Variants in SCYL2 observed in about 807,000 individuals in gnomAD.
SCYL2 encodes SCY1 like pseudokinase 2, also known as SCY1-like protein 2.
Under a neutral mutation model 100.4 loss-of-function variants are expected in SCYL2, and 36 were observed. The ratio of observed to expected loss-of-function variants is 0.36; its 90% CI spans 0.27 to 0.47. The LOEUF (loss-of-function observed/expected upper bound fraction) is 0.47, where lower values mean the gene tolerates loss of function less well. Among genes scored for constraint, SCYL2 ranks in the 20% least tolerant of loss-of-function variants. The probability of loss-of-function intolerance (pLI) is 1.00; values close to 1 mark genes in which losing one functional copy is unlikely to be tolerated. For missense variants in SCYL2, 902 were observed against 1,083.9 expected, an observed-to-expected ratio of 0.83 and a Z score of 2.36; for synonymous variants, 330 against 359.2, an observed-to-expected ratio of 0.92 and a Z score of 0.92.
chr12:100,306,724 A>T (rs1351431618), intron 4 of SCYL2, among the ~76,000 whole-genome samples: 2 of 152,256 alleles, frequency 1.3e-5, no homozygotes. Context: ...TTTGCAGATG[A>T]CATGATGGTA....
chr12:100,327,120 G>T, intron 12 of SCYL2: 1 of 326,160 alleles, frequency 3.1e-6, no homozygotes, highest in Non-Finnish European at 6.1e-6. Context: ...TATTTTCTCT[G>T]CGTTATGTTA....
intron 7 of SCYL2, 135 bp downstream of exon 7, chr12:100,313,673 CAG>C (rs1384963961): frequency 1.7e-6 from 1 of 578,836 alleles, no homozygotes; most frequent in African/African-American, 1.9e-5. Flanking sequence ...AAGCAACAGT[CAG>C]ATACAGCCCC....
In SCYL2 at chr12:100,338,955, A is replaced by G. The variant is rs202242886; in HGVS notation, c.2573A>G (p.Gln858Arg). 2.9e-5 allele frequency: 47 copies of G among 1,614,044 alleles called. No individual in the cohort carries two copies. The highest frequency in any genetic ancestry group is 1.6e-4 in the Middle Eastern group (1 of 6,084). The change falls in exon 18 of 18, where the codon CAA becomes CGA. Residue 858 changes from glutamine to arginine, a missense_variant. Coordinates refer to ENST00000360820, the MANE Select transcript of SCYL2 (RefSeq NM_017988.6). ...AAAGTTAGCATGAACCAGTTATCAC[A>G]ACAGAAACCAAATCAGTGGCTTAAT... is the stretch of plus-strand genomic sequence containing the variant. ...KPKVSMNQLS[Q>R]QKPNQWLNQF...
intron 3 of SCYL2, among the ~76,000 whole-genome samples, chr12:100,294,167 C>T (rs1398093000): frequency 8.9e-5 from 13 of 145,612 alleles, no homozygotes; most frequent in Non-Finnish European, 1.5e-5. Context: ...GCTGACTCCC[C>T]CACCTCCCTC....
In SCYL2 at chr12:100,315,710, G is replaced by A; in HGVS notation, c.1248G>A (p.Val416=). The part of the protein sequence containing the change: ...VKLILPELGP[V]FKQQEPIQIL... ...TAATTCTTCCTGAACTTGGCCCTGT[G>A]TTTAAGCAGCAGGAGCCAATCCAGG... is the stretch of plus-strand genomic sequence containing the variant. Residue 416 remains valine, a synonymous_variant, in exon 9 of 18, where the codon GTG becomes GTA. Transcript: ENST00000360820. The A allele has an allele frequency of 6.2e-7, 1 of 1,608,452 alleles. No individual in the cohort carries two copies. Among genetic ancestry groups the A allele is most frequent in the Non-Finnish European group, 8.5e-7 (1 of 1,177,286 alleles).
intron 9 of SCYL2, among the ~76,000 whole-genome samples, chr12:100,316,178 C>A (rs1431006419): frequency 6.6e-6 from 1 of 152,210 alleles, no homozygotes; most frequent in Non-Finnish European, 1.5e-5. Context: ...CTAATAACTA[C>A]TTCCACTAGA....
chr12:100,268,149 A>G (rs1015941234), intron 1 of SCYL2, among the ~76,000 whole-genome samples: 1 of 152,228 alleles, frequency 6.6e-6, no homozygotes, highest in Admixed American at 6.5e-5. Flanking sequence ...TAAAAGCGCT[A>G]TGCCTGTAGT....
chr12:100,298,415 T>TG (rs2096323543), intron 4 of SCYL2, among the ~76,000 whole-genome samples: 1 of 152,202 alleles, frequency 6.6e-6, no homozygotes, highest in Non-Finnish European at 1.5e-5. Flanking sequence ...TATTGGCTAG[T>TG]GGATGGAGTG....
chr12:100,291,559 A>G lies in SCYL2; in HGVS notation c.234A>G (p.Glu78=). ...KKLIDKYQKF[E]KDQIIDSLKR... is the part of the protein sequence containing the mutation. ...TGATTGACAAGTATCAAAAATTTGAAAAGGATCAAATCATTGATTCTCTAA... is the reference window on the plus strand; with the variant it reads ...TGATTGACAAGTATCAAAAATTTGAGAAGGATCAAATCATTGATTCTCTAA... The change falls in exon 3 of 18, where the codon GAA becomes GAG. Residue 78 remains glutamate (E), a synonymous_variant. Transcript: ENST00000360820. The G allele has an allele frequency of 6.3e-7, 1 of 1,589,840 alleles. No homozygotes were observed. The highest frequency in any genetic ancestry group is 8.5e-7 in the Non-Finnish European group (1 of 1,172,474).
intron 4 of SCYL2, among the ~76,000 whole-genome samples, chr12:100,299,335 C>T (rs1451495976): frequency 1.3e-5 from 2 of 152,100 alleles, no homozygotes; most frequent in Admixed American, 1.3e-4. Context: ...ATTTTTATTA[C>T]GTTTTAACAG....
At chr12:100,275,435 A>G (rs1044013500) in intron 1 of SCYL2, among the ~76,000 whole-genome samples, 5 of 152,174 alleles carry the variant, frequency 3.3e-5, no homozygotes, top group African/African-American at 7.2e-5. Flanking sequence ...TACTCAAGCA[A>G]TCCTTCCACT....
chr12:100,272,389 C>G (rs1350430439), intron 1 of SCYL2, among the ~76,000 whole-genome samples: 3 of 152,092 alleles, frequency 2.0e-5, no homozygotes, highest in Non-Finnish European at 4.4e-5. Context: ...CGTTTAAGTT[C>G]AGGTCTTATT....
intron 3 of SCYL2, among the ~76,000 whole-genome samples, chr12:100,293,899 A>G (rs1487951237): frequency 6.6e-6 from 1 of 152,158 alleles, no homozygotes; most frequent in East Asian, 1.9e-4. Context: ...TTAGTATAGA[A>G]CAAAATGAAA....
chr12:100,324,677 G>GTT (rs1036338158), intron 11 of SCYL2, among the ~76,000 whole-genome samples: 1 of 152,114 alleles, frequency 6.6e-6, no homozygotes, highest in African/African-American at 2.4e-5. Flanking sequence ...ATAAAGTCAA[G>GTT]TTTTAGTTCT....
chr12:100,332,236 G>T (rs1463524400), intron 13 of SCYL2, among the ~76,000 whole-genome samples: 2 of 152,158 alleles, frequency 1.3e-5, no homozygotes, highest in Non-Finnish European at 2.9e-5. Context: ...TTTCAATGAG[G>T]TCTGATCAAG....
chr12:100,297,754 A>G (rs2096322597), intron 3 of SCYL2, among the ~76,000 whole-genome samples: 1 of 152,070 alleles, frequency 6.6e-6, no homozygotes, highest in Non-Finnish European at 1.5e-5. Context: ...TGGTTGAACA[A>G]GGTGGTGTTT....
chr12:100,329,754 C>T (rs1952185173), intron 13 of SCYL2, among the ~76,000 whole-genome samples: 1 of 152,188 alleles, frequency 6.6e-6, no homozygotes, highest in South Asian at 2.1e-4. Context: ...TCTCACAGTG[C>T]TGTAGTAAAG....
intron 3 of SCYL2, among the ~76,000 whole-genome samples, chr12:100,297,320 A>G (rs1032747508): frequency 1.3e-5 from 2 of 151,132 alleles, no homozygotes; most frequent in Non-Finnish European, 3.0e-5. Context: ...TTACCAAGAC[A>G]GCACATAGGG....
At chr12:100,325,946 A>C (rs1334573021) in intron 11 of SCYL2, among the ~76,000 whole-genome samples, 2 of 152,114 alleles carry the variant, frequency 1.3e-5, no homozygotes, top group African/African-American at 2.4e-5. Context: ...TTATTAGCCA[A>C]CAAAATTATT....
Sources: allele counts gnomAD v4.1 joint callset (sites outside exome capture counted in the v4.1 genomes callset), GRCh38; gene constraint gnomAD v4.1.1; transcripts MANE v1.5; gene names NCBI Gene and HGNC (gene_info 2026-07-23, HGNC 2026-07-21).